ITPR3: variants seen among roughly 807,000 people sequenced by gnomAD.
ITPR3 encodes the protein inositol 1,4,5-trisphosphate-gated calcium channel ITPR3.
ITPR3 carries 173 observed loss-of-function variants against 293.2 expected under a neutral mutation model. The ratio of observed to expected loss-of-function variants is 0.59; its 90% CI spans 0.52 to 0.67. The LOEUF (loss-of-function observed/expected upper bound fraction) is 0.67. Among genes scored for constraint, ITPR3 ranks in the 30% least tolerant of loss-of-function variants. ITPR3 has a pLI of 0.00. For synonymous variants in ITPR3, 1,295 were observed against 1,444.4 expected, an observed-to-expected ratio of 0.90 and a Z score of 2.35; for missense variants, 2,796 against 3,592.1, an observed-to-expected ratio of 0.78 and a Z score of 5.66.
chr6:33,672,843 A>T lies in ITPR3; in HGVS notation c.2928+615A>T, dbSNP rs1764804539. ...AAGAACCTATTTCTTGGCAAGGTGG[A>T]TGCAGTCATCCCTGTTGTGGTCTCA... On this transcript the variant is annotated intron_variant, in intron 22 of 57. Transcript: ENST00000605930. The surrounding 1 kb of genome is among the most constrained non-coding windows in gnomAD (Gnocchi z 5.0). Among the ~76,000 whole-genome samples, 1 of 152,138 alleles carries T rather than the reference A, an allele frequency of 6.6e-6. No homozygotes were observed. The highest frequency in any genetic ancestry group is 2.4e-5 in the African/African-American group (1 of 41,428).
chr6:33,650,602 C>A (rs1764163619), intron 2 of ITPR3, among the ~76,000 whole-genome samples: 1 of 152,210 alleles, frequency 6.6e-6, no homozygotes, highest in Non-Finnish European at 1.5e-5. Context: ...GGAATGCATC[C>A]ACCCTATAAG....
In ITPR3 at chr6:33,670,747, T is replaced by C. The variant is rs754350294; in HGVS notation, c.2518T>C (p.Tyr840His). 1.9e-6 allele frequency: 3 copies of C among 1,613,980 alleles called. No individual in the cohort carries two copies. The highest frequency in any genetic ancestry group is 2.2e-5 in the South Asian group (2 of 91,072). ...FANTMEFVED[Y>H]LNNVVSEAVP... ...CAACACCATGGAGTTCGTGGAGGAC[T>C]ACCTCAACAATGTAGTCAGCGAGGC... Residue 840 changes from tyrosine to histidine, a missense_variant, in exon 20 of 58, where the codon TAC (tyrosine) becomes CAC (histidine). Tyr to His is a moderately conservative substitution (Grantham distance 83). Around this residue, in one of 8 missense-constraint regions of ITPR3, gnomAD observed 955 missense variants for 1,180.8 expected, o/e 0.81. Coordinates refer to ENST00000605930, the MANE Select transcript of ITPR3 (RefSeq NM_002224.4). The surrounding 1 kb of genome is among the most constrained non-coding windows in gnomAD (Gnocchi z 6.7).
In ITPR3 at chr6:33,687,951, G is replaced by C. The variant is rs2281917; in HGVS notation, c.6265-106G>C. ...CTGCTCTGGCTTGGCGGGGACACTC[G>C]CTGAAGTGTAGTTCAGAGCTAGGCG... On this transcript the variant is annotated intron_variant, in intron 46 of 57. Transcript: ENST00000605930. The surrounding 1 kb of genome is among the most constrained non-coding windows in gnomAD (Gnocchi z 5.3). 156,818 of 865,940 alleles carry C rather than the reference G, an allele frequency of 0.18. 15,304 individuals are homozygous for C. Among genetic ancestry groups the C allele is most frequent in the Middle Eastern group, 0.22 (656 of 3,030 alleles). The allele number at this position is 865,940 out of a possible 1,614,324, so 53.6% of individuals were successfully genotyped here. A position where few individuals can be genotyped will look rare whatever the true frequency, so the allele number is the denominator to read the frequency against.
rs1765226100 is a variant in ITPR3 at position 33,686,243 on chromosome 6, AT to A, written c.5859del (p.His1953GlnfsTer8). 1 of 1,613,590 alleles carries A rather than the reference AT, an allele frequency of 6.2e-7. No individual in the cohort carries two copies. Among genetic ancestry groups the A allele is most frequent in the Non-Finnish European group, 8.5e-7 (1 of 1,179,900 alleles). Reference protein sequence around the residue: ...TLTEYCQGPCHENQTCIVTHE... With the variant: ...TLTEYCQGPCXENQTCIVTHE... ...ACTGAGTACTGCCAGGGCCCCTGCC[AT>A]GAGAACCAGGTGAGCTGTCCTGGTG... On this transcript the variant is annotated frameshift_variant, in exon 42 of 58. Coordinates refer to ENST00000605930, the MANE Select transcript of ITPR3 (RefSeq NM_002224.4). LOFTEE classifies it high-confidence loss of function.
At chr6:33,649,072 T>G (rs1254756021) in intron 2 of ITPR3, among the ~76,000 whole-genome samples, 1 of 152,052 alleles carries the variant, frequency 6.6e-6, no homozygotes, top group African/African-American at 2.4e-5. Flanking sequence ...CTGGCTAATT[T>G]TTTTGTATTT....
intron 17 of ITPR3, 96 bp from the exon 18 acceptor site, chr6:33,668,878 G>C (rs1004528367): frequency 1.2e-5 from 16 of 1,340,462 alleles, no homozygotes; most frequent in Non-Finnish European, 1.6e-5. Flanking sequence ...GGGTCCCCGT[G>C]GTGGCTGGCA....
chr6:33,676,996 T>A lies in ITPR3; in HGVS notation c.3448-19T>A, dbSNP rs4713652. 0.98 allele frequency: 1,581,527 copies of A among 1,613,848 alleles called. 776,553 individuals carry two copies. Among genetic ancestry groups the A allele is most frequent in the East Asian group, 1 (44,792 of 44,860 alleles). ...TGAGGGCTGGGCCTGGCTGATCTCC[T>A]TCCTCTCTCTGCTTTCAGCGTCCCA... On this transcript the variant is annotated intron_variant, in intron 26 of 57. Coordinates refer to ENST00000605930, the MANE Select transcript of ITPR3 (RefSeq NM_002224.4).
chr6:33,660,133 C>G (rs1324599812), intron 7 of ITPR3, among the ~76,000 whole-genome samples: 1 of 152,162 alleles, frequency 6.6e-6, no homozygotes, highest in Admixed American at 6.5e-5. Context: ...CCCTGAACAG[C>G]AGATGTGGGC....
At chr6:33,663,162 C>G (rs539317556) in intron 9 of ITPR3, among the ~76,000 whole-genome samples, 156 bp downstream of exon 9, 51 of 152,350 alleles carry the variant, frequency 3.3e-4, no homozygotes, top group African/African-American at 1.2e-3. Flanking sequence ...CAAATAAAGG[C>G]ATGACTGTAA....
chr6:33,665,123 G>A lies in ITPR3; in HGVS notation c.1319G>A (p.Arg440Gln). Residue 440 changes from arginine (R) to glutamine (Q), a missense_variant, in exon 13 of 58, where the codon CGA becomes CAA. Physicochemically the swap from Arg to Gln is conservative, Grantham distance 43. Transcript: ENST00000605930. ...AIVSVPVSEI[R>Q]DLDFANDASS... The stretch of plus-strand genomic sequence containing the variant: ...GTGTCAGTGCCCGTGTCTGAGATCC[G>A]AGACCTGGACTTTGCCAATGACGCC... 1 of 1,614,182 alleles carries A rather than the reference G, an allele frequency of 6.2e-7. No individual in the cohort carries two copies. Among genetic ancestry groups the A allele is most frequent in the Non-Finnish European group, 8.5e-7 (1 of 1,180,046 alleles).
At chr6:33,637,549 A>G (rs1021042876) in intron 1 of ITPR3, among the ~76,000 whole-genome samples, 1 of 151,742 alleles carries the variant, frequency 6.6e-6, no homozygotes, top group African/African-American at 2.4e-5. Context: ...GCACACTGCA[A>G]CCTCTGCCTC....
intron 2 of ITPR3, among the ~76,000 whole-genome samples, chr6:33,651,932 C>T (rs1183202277): frequency 6.6e-6 from 1 of 152,178 alleles, no homozygotes; most frequent in Non-Finnish European, 1.5e-5. Context: ...AAGCTTGAGA[C>T]CCCTGCTCTA....
At chr6:33,640,610 TGCGACTGAATTTATTCAACTGCATTCA>T in intron 2 of ITPR3, 56 bp downstream of exon 2, 1 of 1,391,850 alleles carries the variant, frequency 7.2e-7, no homozygotes, top group Non-Finnish European at 9.8e-7. Flanking sequence ...GTTCTGGACC[TGCGACTGAATTTATTCAACTGCATTCA>T]GCCCCAGTGG....
intron 2 of ITPR3, among the ~76,000 whole-genome samples, chr6:33,642,000 A>AG (rs112849043): frequency 1.3e-5 from 2 of 152,070 alleles, no homozygotes; most frequent in African/African-American, 4.8e-5. Context: ...CAGTTCCACC[A>AG]GGGGAGGGAT....
In ITPR3 at chr6:33,695,275, G is replaced by T. The variant is rs369150374; in HGVS notation, c.7947+190G>T. The T allele has an allele frequency of 1.3e-4, 82 of 647,646 alleles. 1 individual carries two copies. Among genetic ancestry groups the T allele is most frequent in the South Asian group, 1.1e-3 (55 of 49,860 alleles). The allele number at this position is 647,646 out of a possible 1,614,324, so 40.1% of individuals were successfully genotyped here. ...CTGGGGTTGACAACCCCTGCCTTGG[G>T]CCGCTAAAGACAAGGCCAAGTGGAA... On this transcript the variant is annotated intron_variant, in intron 57 of 57. Transcript: ENST00000605930.
In ITPR3 at chr6:33,675,731, C is replaced by T. The variant is rs375579002; in HGVS notation, c.3157C>T (p.Arg1053Cys). Reference protein sequence around the residue: ...SMLEVDDEGGRMFLRVLIHLT... With the variant: ...SMLEVDDEGGCMFLRVLIHLT... ...GCTGGAGGTGGATGACGAGGGCGGC[C>T]GCATGTTCCTGCGCGTGCTCATCCA... The change falls in exon 25 of 58, where the codon CGC becomes TGC. Residue 1053 changes from arginine (R) to cysteine (C), a missense_variant. Arg to Cys is a radical substitution (Grantham distance 180). This residue lies in a region of ITPR3 where 955 missense variants were observed against 1,180.8 expected (regional missense o/e 0.81). Coordinates refer to ENST00000605930, the MANE Select transcript of ITPR3 (RefSeq NM_002224.4). The surrounding 1 kb of genome is among the most constrained non-coding windows in gnomAD (Gnocchi z 5.0). 1.9e-5 allele frequency: 31 copies of T among 1,611,404 alleles called. No individual in the cohort carries two copies. In the African/African-American group the frequency reaches 3.3e-4, roughly 17 times the overall value.
intron 22 of ITPR3, among the ~76,000 whole-genome samples, chr6:33,673,355 C>T (rs1353967914): frequency 2.0e-5 from 3 of 152,152 alleles, no homozygotes; most frequent in Non-Finnish European, 4.4e-5. Flanking sequence ...CCCTCATACT[C>T]CATCACTGGG....
In ITPR3 at chr6:33,658,607, C is replaced by G. The variant is rs1038587542; in HGVS notation, c.370-63C>G. ...AAGGGTCTAGGGGATCCCCCCATAT[C>G]CCCTCCCTAATGGGCCGACTCCTGT... On this transcript the variant is annotated intron_variant, in intron 4 of 57. Coordinates refer to ENST00000605930, the MANE Select transcript of ITPR3 (RefSeq NM_002224.4). The surrounding 1 kb of genome is among the most constrained non-coding windows in gnomAD (Gnocchi z 6.1). The G allele has an allele frequency of 6.5e-5, 103 of 1,581,926 alleles. 2 individuals are homozygous for G. In the Admixed American group the frequency reaches 1.7e-3, roughly 27 times the overall value.
At chr6:33,676,387 C>T (rs1239762673) in intron 25 of ITPR3, among the ~76,000 whole-genome samples, 1 of 152,208 alleles carries the variant, frequency 6.6e-6, no homozygotes, top group Non-Finnish European at 1.5e-5. Context: ...AGACCCAGAG[C>T]GAGGATGGTG....
Sources: allele counts gnomAD v4.1 joint callset (sites outside exome capture counted in the v4.1 genomes callset), GRCh38; gene constraint gnomAD v4.1.1; regional missense constraint gnomAD v4.1.1; non-coding constraint Gnocchi (gnomAD v3.1); transcripts MANE v1.5; gene names NCBI Gene and HGNC (gene_info 2026-07-23, HGNC 2026-07-21).